Variants in GPR149 observed in about 807,000 individuals in gnomAD.
GPR149 encodes the protein G protein-coupled receptor 149, also known as probable G protein-coupled receptor 149.
Under a neutral mutation model 50.2 loss-of-function variants are expected in GPR149, and 50 were observed. The observed-to-expected ratio is 1.00, with a 90% confidence interval of 0.79 to 1.26. GPR149 has a LOEUF of 1.26. GPR149 is among the 50% of genes most tolerant of loss of function. The pLI, the probability that GPR149 is intolerant of heterozygous loss-of-function variation, is 0.00. For missense variants in GPR149, 983 were observed against 895.4 expected, an observed-to-expected ratio of 1.10 and a Z score of -1.25; for synonymous variants, 405 against 358.2, an observed-to-expected ratio of 1.13 and a Z score of -1.48.
chr3:154,395,131 G>T (rs1302878544), intron 3 of GPR149, among the ~76,000 whole-genome samples: 1 of 151,940 alleles, frequency 6.6e-6, no homozygotes, highest in African/African-American at 2.4e-5. Flanking sequence ...TGAGTGCTGG[G>T]ATACCAACTT....
In GPR149 at chr3:154,429,578, G is replaced by C; in HGVS notation, c.38C>G (p.Ser13Cys). 2 of 1,613,402 alleles carry C rather than the reference G, an allele frequency of 1.2e-6. No individual in the cohort carries two copies. Among genetic ancestry groups the C allele is most frequent in the Non-Finnish European group, 1.7e-6 (2 of 1,179,392 alleles). Reference protein sequence around the residue: ...LFLSNLSTNDSSLWKENHNST... With the variant: ...LFLSNLSTNDCSLWKENHNST... ...ATTATGATTCTCTTTCCACAGGCTA[G>C]AGTCATTTGTTGATAAGTTACTGAG... is the stretch of plus-strand genomic sequence containing the variant. Residue 13 changes from serine to cysteine, a missense_variant, in exon 1 of 4, where the codon TCT (serine) becomes TGT (cysteine). Transcript: ENST00000389740.
Position 154,427,717 on chromosome 3 carries a change from G to A in GPR149, c.982-9C>T. 1 of 1,606,252 alleles carries A rather than the reference G, an allele frequency of 6.2e-7. No homozygotes were observed. The highest frequency in any genetic ancestry group is 1.1e-5 in the South Asian group (1 of 90,008). On this transcript the variant is annotated splice_polypyrimidine_tract_variant and intron_variant, in intron 1 of 3. Transcript: ENST00000389740. ...TGGACCACCATGTGCATCTGCAAGG[G>A]CAAGAGAACTTCAGACCTAACCTAA...
At position 154,429,364 on chromosome 3, in the gene GPR149, C is replaced by T. The variant is rs372519523; in HGVS notation, c.252G>A (p.Ser84=). The change falls in exon 1 of 4, where the codon TCG becomes TCA. Residue 84 remains serine, a synonymous_variant. Coordinates refer to ENST00000389740, the MANE Select transcript of GPR149 (RefSeq NM_001038705.3). ...ACTGCAAAAACATGAAGATGGTCAC[C>T]GACAGGACGCTCATGAGATCATCCA... ...WSVDDLMSVL[S]VTIFMFLQWP... 3.1e-6 allele frequency: 5 copies of T among 1,614,112 alleles called. No individual in the cohort carries two copies. In the East Asian group the frequency reaches 8.9e-5, roughly 29 times the overall value.
At chr3:154,372,637 G>A (rs932469234) in intron 3 of GPR149, among the ~76,000 whole-genome samples, 1 of 152,154 alleles carries the variant, frequency 6.6e-6, no homozygotes, top group Non-Finnish European at 1.5e-5. Context: ...CAGAGCAAGG[G>A]GTTCAAACCT....
intron 3 of GPR149, among the ~76,000 whole-genome samples, chr3:154,339,779 CTTTTTTTTTTTTTTT>C (rs71152802): frequency 4.4e-5 from 3 of 68,306 alleles, no homozygotes; most frequent in Admixed American, 2.2e-4. Context: ...TGCTCTACTT[CTTTTTTTTTTTTTTT>C]TTTTTTTTTT....
rs187778160 is a variant in GPR149, at chr3:154,367,211, T to C, written c.1624-28940A>G. 9.1e-4 allele frequency among the ~76,000 whole-genome samples: 139 copies of C among 152,306 alleles called. 4 individuals carry two copies. The highest frequency in any genetic ancestry group is 3.5e-3 in the Admixed American group (54 of 15,300). ...TTATTTTGGTCTTGGATGAATAATA[T>C]TGAAGATATATGCTGAAAATATTCC... On this transcript the variant is annotated intron_variant, in intron 3 of 3. Coordinates refer to ENST00000389740, the MANE Select transcript of GPR149 (RefSeq NM_001038705.3).
chr3:154,345,127 A>G lies in GPR149; in HGVS notation c.1624-6856T>C, dbSNP rs915618120. Among the ~76,000 whole-genome samples the G allele has an allele frequency of 1.3e-5, 2 of 152,326 alleles. 1 individual carries two copies. On this transcript the variant is annotated intron_variant, in intron 3 of 3. Transcript: ENST00000389740. ...GTGTCTGGCATATGACAGGCCCTCA[A>G]AAATATTTGTTGAATGGACAAACAA... is the stretch of plus-strand genomic sequence containing the variant.
In GPR149 at chr3:154,383,692, G is replaced by A. The variant is rs115141247; in HGVS notation, c.1623+37347C>T. On this transcript the variant is annotated intron_variant, in intron 3 of 3. Coordinates refer to ENST00000389740, the MANE Select transcript of GPR149 (RefSeq NM_001038705.3). ...GTACTATAGTCATTCCTTGATATTT[G>A]AGGAGATGCTATGGTCTGGATGTTT... 5.5e-3 allele frequency among the ~76,000 whole-genome samples: 831 copies of A among 152,184 alleles called. 3 individuals carry two copies. Among genetic ancestry groups the A allele is most frequent in the Middle Eastern group, 0.014 (4 of 294 alleles).
chr3:154,398,554 G>A (rs1715346532), intron 3 of GPR149, among the ~76,000 whole-genome samples: 2 of 152,042 alleles, frequency 1.3e-5, no homozygotes, highest in Non-Finnish European at 2.9e-5. Context: ...AATTTACACA[G>A]CTGAGAACAG....
chr3:154,382,511 A>G (rs1034010722), intron 3 of GPR149, among the ~76,000 whole-genome samples: 8 of 152,232 alleles, frequency 5.3e-5, no homozygotes, highest in African/African-American at 1.7e-4. Flanking sequence ...AAAGGGTCAA[A>G]TGTCAAATGA....
intron 3 of GPR149, chr3:154,354,880 T>C: frequency 4.6e-6 from 1 of 219,164 alleles, no homozygotes; most frequent in Non-Finnish European, 9.7e-6. Context: ...CTGGGCCTAA[T>C]GCTTTACTCA....
chr3:154,427,921 G>C (rs974193999), intron 1 of GPR149, among the ~76,000 whole-genome samples: 1 of 152,118 alleles, frequency 6.6e-6, no homozygotes, highest in African/African-American at 2.4e-5. Context: ...TTCAGCTTTT[G>C]AGTGCCGGAT....
chr3:154,391,931 T>C lies in GPR149; in HGVS notation c.1623+29108A>G, dbSNP rs1242068948. ...TGTCATGAGACAAAGAAGGATATTA[T>C]ACAAAGATAAAATGATCAACTCACC... On this transcript the variant is annotated intron_variant, in intron 3 of 3. Transcript: ENST00000389740. Among the ~76,000 whole-genome samples, 8 of 151,890 alleles carry C rather than the reference T, an allele frequency of 5.3e-5. 1 individual carries two copies. The South Asian group carries it at 1.7e-3, about 31-fold the overall frequency.
intron 3 of GPR149, among the ~76,000 whole-genome samples, chr3:154,396,831 TA>T (rs1004681862): frequency 4.6e-5 from 7 of 151,132 alleles, no homozygotes; most frequent in African/African-American, 1.4e-4. Context: ...GAGTAGAGGT[TA>T]AAAAAAATAG....
intron 3 of GPR149, among the ~76,000 whole-genome samples, chr3:154,391,535 A>G (rs184765847): frequency 6.8e-6 from 1 of 147,676 alleles, no homozygotes; most frequent in East Asian, 2.0e-4. Context: ...AAAAAAGATG[A>G]ACAAAACAAC....
chr3:154,397,322 G>A (rs1286797833), intron 3 of GPR149, among the ~76,000 whole-genome samples: 2 of 152,088 alleles, frequency 1.3e-5, no homozygotes, highest in Admixed American at 1.3e-4. Flanking sequence ...AGCTTGGAGG[G>A]ATTATGGCTT....
chr3:154,366,383 G>A (rs1356548616), intron 3 of GPR149, among the ~76,000 whole-genome samples: 1 of 152,192 alleles, frequency 6.6e-6, no homozygotes, highest in Non-Finnish European at 1.5e-5. Context: ...ATACATTTCT[G>A]TGACATAATT....
chr3:154,369,318 A>G (rs72998675), intron 3 of GPR149, among the ~76,000 whole-genome samples: 1,900 of 152,342 alleles, frequency 0.012, 41 homozygotes, highest in African/African-American at 0.043. Flanking sequence ...CTCTGAGGAA[A>G]GTATTAATTA....
intron 3 of GPR149, among the ~76,000 whole-genome samples, chr3:154,399,724 T>C (rs1245289303): frequency 6.6e-6 from 1 of 152,162 alleles, no homozygotes; most frequent in African/African-American, 2.4e-5. Flanking sequence ...TGAGGTATCT[T>C]TGGTGCACTA....
Sources: gnomAD v4.1 joint callset for allele counts (sites outside exome capture counted in the v4.1 genomes callset) on GRCh38, gnomAD v4.1.1 for gene constraint, MANE v1.5 for transcripts, NCBI Gene and HGNC (gene_info 2026-07-23, HGNC 2026-07-21) for gene names.